The following ZNF497 variants were observed in gnomAD, a reference collection of about 807,000 sequenced individuals.
ZNF497 encodes zinc finger protein 497.
For missense variants in ZNF497, 930 were observed against 714.0 expected (o/e 1.30, Z -3.45); for synonymous variants, 422 against 313.7 (o/e 1.35, Z -3.65).
At position 58,357,641 on chromosome 19, in the gene ZNF497, G is replaced by A. The variant is rs1341420517; in HGVS notation, c.-6C>T. Reference sequence around the variant, plus strand: ...CACCCTCTTGGGGACTCCATCTCGCGCCTGTGACCTAAAACAGGAGAGAAA... The same window carrying A: ...CACCCTCTTGGGGACTCCATCTCGCACCTGTGACCTAAAACAGGAGAGAAA... On this transcript the variant is annotated 5_prime_UTR_variant, in exon 3 of 3. Coordinates refer to ENST00000311044, the MANE Select transcript of ZNF497 (RefSeq NM_198458.3). 6.6e-7 allele frequency: 1 copy of A among 1,518,354 alleles called. No homozygotes were observed. The highest frequency in any genetic ancestry group is 8.8e-7 in the Non-Finnish European group (1 of 1,135,232). 94.1% of individuals were successfully genotyped at this position (1,518,354 alleles called of 1,614,324 possible). A position where few individuals can be genotyped will look rare whatever the true frequency, so the allele number is the denominator to read the frequency against.
chr19:58,361,589 T>C (rs2052094505), intron 1 of ZNF497, among the ~76,000 whole-genome samples: 1 of 151,854 alleles, frequency 6.6e-6, no homozygotes. Flanking sequence ...ACTCCTGAGC[T>C]CAAGGGATCC....
At position 58,357,257 on chromosome 19, in the gene ZNF497, C is replaced by T; in HGVS notation, c.379G>A (p.Val127Met). ...QGSYLLQHRR[V>M]HTGEKPYTCP... is the part of the protein sequence containing the mutation. Reference sequence around the variant, plus strand: ...GTGTACGGCTTCTCGCCTGTGTGCACGCGCCGATGCTGCAGCAAGTAAGAG... The same window carrying T: ...GTGTACGGCTTCTCGCCTGTGTGCATGCGCCGATGCTGCAGCAAGTAAGAG... Residue 127 changes from valine (V) to methionine (M), a missense_variant, in exon 3 of 3, where the codon GTG becomes ATG. Coordinates refer to ENST00000311044, the MANE Select transcript of ZNF497 (RefSeq NM_198458.3). 1 of 1,612,688 alleles carries T rather than the reference C, an allele frequency of 6.2e-7. No homozygotes were observed. The highest frequency in any genetic ancestry group is 1.1e-5 in the South Asian group (1 of 91,004).
chr19:58,358,636 C>T (rs1382485988), intron 1 of ZNF497, 51 bp from the exon 2 acceptor site: 1 of 874,286 alleles, frequency 1.1e-6, no homozygotes, highest in Non-Finnish European at 1.5e-6. Context: ...CCTAGCAGAT[C>T]TGAGAAAACA....
intron 2 of ZNF497, 88 bp downstream of exon 2, chr19:58,358,401 A>G (rs2052052889): frequency 8.7e-7 from 1 of 1,155,424 alleles, no homozygotes. Context: ...ACCCATCCTC[A>G]TTTGCCCTGA....
In ZNF497 at chr19:58,356,112, CG is replaced by C; in HGVS notation, c.*26del. The stretch of plus-strand genomic sequence containing the variant: ...GAGACCCCGCAATGCCGTGTGTCCG[CG>C]ACCTCCCGCTCAGGGCGTCCTCGGG... On this transcript the variant is annotated 3_prime_UTR_variant, in exon 3 of 3. Transcript: ENST00000311044. The C allele has an allele frequency of 6.6e-7, 1 of 1,509,812 alleles. No homozygotes were observed. Among genetic ancestry groups the C allele is most frequent in the Non-Finnish European group, 8.8e-7 (1 of 1,133,576 alleles). The allele number at this position is 1,509,812 out of a possible 1,614,324, so 93.5% of individuals were successfully genotyped here.
At position 58,356,305 on chromosome 19, in the gene ZNF497, C is replaced by G. The variant is rs753411405; in HGVS notation, c.1331G>C (p.Cys444Ser). ...CACGAAGGCCTTGCTGCAGTGGGCG[C>G]AGACGAACGGCCTCTCGCCAGAGTG... ...RLHSGERPFV[C>S]AHCSKAFVRK... Residue 444 changes from cysteine to serine, a missense_variant, in exon 3 of 3, where the codon TGC (cysteine) becomes TCC (serine). Coordinates refer to ENST00000311044, the MANE Select transcript of ZNF497 (RefSeq NM_198458.3). 4.4e-6 allele frequency: 7 copies of G among 1,585,710 alleles called. No individual in the cohort carries two copies. The South Asian group carries it at 6.8e-5, about 15-fold the overall frequency.
Position 58,359,151 on chromosome 19 carries a change from AC to A in ZNF497, c.-111-567del, listed in dbSNP as rs1568560172. On this transcript the variant is annotated intron_variant, in intron 1 of 2. Transcript: ENST00000311044. ...GGCCCTGCTGCCTTCTCATAGCAGA[AC>A]CCCCAGAAGCACTGGCCAGGGCTCT... The A allele has an allele frequency of 7.8e-6, 10 of 1,278,692 alleles. No individual in the cohort carries two copies. The Admixed American group carries it at 2.1e-4, about 26-fold the overall frequency. 79.2% of individuals were successfully genotyped at this position (1,278,692 alleles called of 1,614,324 possible).
chr19:58,358,511 G>A lies in ZNF497; in HGVS notation c.-37C>T. The A allele has an allele frequency of 8.4e-7, 1 of 1,184,176 alleles. No individual in the cohort carries two copies. Among genetic ancestry groups the A allele is most frequent in the Non-Finnish European group, 1.1e-6 (1 of 938,508 alleles). The allele number at this position is 1,184,176 out of a possible 1,614,324, so 73.4% of individuals were successfully genotyped here. A position where few individuals can be genotyped will look rare whatever the true frequency, so the allele number is the denominator to read the frequency against. On this transcript the variant is annotated 5_prime_UTR_variant, in exon 2 of 3. Coordinates refer to ENST00000311044, the MANE Select transcript of ZNF497 (RefSeq NM_198458.3). ...TACCTGGAGGTGGGGCCTGGAAGGG[G>A]CCCAGGGGAGCCTCTTGCTCCTCTC...
chr19:58,360,034 T>G (rs1478738062), intron 1 of ZNF497, among the ~76,000 whole-genome samples: 1 of 151,658 alleles, frequency 6.6e-6, no homozygotes, highest in African/African-American at 2.4e-5. Context: ...CTTGAAAATA[T>G]TATGCTAAGT....
Position 58,357,409 on chromosome 19 carries a change from G to A in ZNF497, c.227C>T (p.Pro76Leu), listed in dbSNP as rs749131630. The part of the protein sequence containing the change: ...EQGGPGRELG[P>L]ADGGRDGAGP... ...AGCCCCGTCCCGCCCACCGTCTGCGGGGCCCAGCTCCCTGCCGGGGCCTCC... is the reference window on the plus strand; with the variant it reads ...AGCCCCGTCCCGCCCACCGTCTGCGAGGCCCAGCTCCCTGCCGGGGCCTCC... Residue 76 changes from proline (P) to leucine (L), a missense_variant, in exon 3 of 3, where the codon CCC (proline) becomes CTC (leucine). Pro to Leu is a moderately conservative substitution (Grantham distance 98). Coordinates refer to ENST00000311044, the MANE Select transcript of ZNF497 (RefSeq NM_198458.3). The A allele has an allele frequency of 2.5e-6, 4 of 1,599,848 alleles. No homozygotes were observed. Among genetic ancestry groups the A allele is most frequent in the African/African-American group, 1.3e-5 (1 of 74,582 alleles).
Position 58,358,593 on chromosome 19 carries a change from C to T in ZNF497, c.-111-8G>A. 3 of 1,184,490 alleles carry T rather than the reference C, an allele frequency of 2.5e-6. No individual in the cohort carries two copies. Among genetic ancestry groups the T allele is most frequent in the African/African-American group, 1.6e-5 (1 of 62,498 alleles). The allele number at this position is 1,184,490 out of a possible 1,614,324, so 73.4% of individuals were successfully genotyped here. A position where few individuals can be genotyped will look rare whatever the true frequency, so the allele number is the denominator to read the frequency against. On this transcript the variant is annotated splice_polypyrimidine_tract_variant and splice_region_variant and intron_variant, in intron 1 of 2. Coordinates refer to ENST00000311044, the MANE Select transcript of ZNF497 (RefSeq NM_198458.3). ...GGGCCTGGGGGCTGGCACCTGGGGA[C>T]AGGAAGGCAGCAGGGCAGGGTGAGG...
chr19:58,358,301 G>C (rs2052051677), intron 2 of ZNF497, 188 bp downstream of exon 2: 1 of 1,285,866 alleles, frequency 7.8e-7, no homozygotes, highest in Non-Finnish European at 1.0e-6. Context: ...GAGAGAGAGA[G>C]GCCAAGGGTG....
rs772812242 is a variant in ZNF497 at position 58,356,683 on chromosome 19, A to G, written c.953T>C (p.Leu318Pro). 1 of 1,556,290 alleles carries G rather than the reference A, an allele frequency of 6.4e-7. No homozygotes were observed. ...ACCAGTGTGCGTGCGCTGGTGCTGC[A>G]GGAGCTGCGAGCTCTCGCGGAAAGC... is the stretch of plus-strand genomic sequence containing the variant. ...GKAFRESSQL[L>P]QHQRTHTGER... is the part of the protein sequence containing the mutation. Residue 318 changes from leucine (L) to proline (P), a missense_variant, in exon 3 of 3, where the codon CTG becomes CCG. Transcript: ENST00000311044.
intron 1 of ZNF497, chr19:58,359,003 T>G (rs1356371214): frequency 2.1e-6 from 1 of 486,206 alleles, no homozygotes; most frequent in Non-Finnish European, 4.0e-6. Flanking sequence ...GGCCTGGATC[T>G]CTGGGAGCAG....
At chr19:58,358,325 G>T in intron 2 of ZNF497, 164 bp downstream of exon 2, 4 of 1,273,400 alleles carry the variant, frequency 3.1e-6, no homozygotes, top group Non-Finnish European at 4.1e-6. Context: ...GGGCCTCCTT[G>T]GTCCTAAGGC....
At position 58,354,399 on chromosome 19, in the gene ZNF497, T is replaced by A. The variant is rs1473525097; in HGVS notation, c.*1740A>T. ...TATTGAGCATCTACTGTGTGCCAGA[T>A]GCAAAGAAGACAGTGGGATAACTGG... On this transcript the variant is annotated 3_prime_UTR_variant, in exon 3 of 3. Transcript: ENST00000311044. 6.6e-6 allele frequency: 1 copy of A among 152,334 alleles called. No individual in the cohort carries two copies. Among genetic ancestry groups the A allele is most frequent in the Non-Finnish European group, 1.5e-5 (1 of 68,142 alleles). The allele number at this position is 152,334 out of a possible 1,614,324, so 9.4% of individuals were successfully genotyped here. A position where few individuals can be genotyped will look rare whatever the true frequency, so the allele number is the denominator to read the frequency against.
chr19:58,361,568 GC>G (rs2052094293), intron 1 of ZNF497, among the ~76,000 whole-genome samples: 2 of 151,930 alleles, frequency 1.3e-5, no homozygotes, highest in Admixed American at 1.3e-4. Flanking sequence ...TGTTGCTCAG[GC>G]TGGTCTTTAA....
intron 2 of ZNF497, chr19:58,358,035 G>T: frequency 2.5e-6 from 3 of 1,218,808 alleles, no homozygotes; most frequent in Non-Finnish European, 3.1e-6. Flanking sequence ...GGAGACTCCA[G>T]TTTGTGAGGA....
chr19:58,356,638 G>T lies in ZNF497; in HGVS notation c.998C>A (p.Ala333Asp). 1 of 1,545,528 alleles carries T rather than the reference G, an allele frequency of 6.5e-7. No individual in the cohort carries two copies. The highest frequency in any genetic ancestry group is 8.7e-7 in the Non-Finnish European group (1 of 1,150,680). Residue 333 changes from alanine (A) to aspartate (D), a missense_variant, in exon 3 of 3, where the codon GCC becomes GAC. By Grantham distance (126) the Ala-to-Asp change is moderately radical. Coordinates refer to ENST00000311044, the MANE Select transcript of ZNF497 (RefSeq NM_198458.3). ...THTGERPFECAECGQAFVMGS... is the reference protein window; with the variant it reads ...THTGERPFECDECGQAFVMGS... ...CATGACGAAAGCCTGGCCGCACTCGGCGCACTCGAAGGGCCGCTCACCAGT... is the reference window on the plus strand; with the variant it reads ...CATGACGAAAGCCTGGCCGCACTCGTCGCACTCGAAGGGCCGCTCACCAGT...
Sources: gnomAD v4.1 joint callset for allele counts (sites outside exome capture counted in the v4.1 genomes callset) on GRCh38, gnomAD v4.1.1 for gene constraint, MANE v1.5 for transcripts, NCBI Gene and HGNC (gene_info 2026-07-23, HGNC 2026-07-21) for gene names.